The following LCORL variants were observed in gnomAD, a reference collection of about 807,000 sequenced individuals.
The protein encoded by LCORL is ligand-dependent nuclear receptor corepressor-like protein.
A neutral mutation model predicts 141.8 loss-of-function variants in LCORL; 41 were observed. The ratio of observed to expected loss-of-function variants is 0.29; its 90% CI spans 0.23 to 0.38. The LOEUF (loss-of-function observed/expected upper bound fraction) is 0.38, where lower values mean the gene tolerates loss of function less well. LCORL is among the 10% of genes least tolerant of loss of function. LCORL has a pLI of 1.00. For missense variants in LCORL, 1,759 were observed against 2,035.0 expected, an observed-to-expected ratio of 0.86 and a Z score of 2.61; for synonymous variants, 618 against 694.1, an observed-to-expected ratio of 0.89 and a Z score of 1.72.
chr4:17,912,647 G>C (rs1313524597), intron 4 of LCORL: 1 of 395,136 alleles, frequency 2.5e-6, no homozygotes, highest in African/African-American at 2.1e-5. Flanking sequence ...AAATCTGGAG[G>C]CCAGCTTGGA....
chr4:17,953,345 T>A (rs1711854698), intron 4 of LCORL, among the ~76,000 whole-genome samples: 1 of 152,210 alleles, frequency 6.6e-6, no homozygotes, highest in Non-Finnish European at 1.5e-5. Context: ...ATGCCTGAGC[T>A]AACTTACACT....
intron 7 of LCORL, among the ~76,000 whole-genome samples, chr4:17,870,185 T>C (rs1726173181): frequency 6.6e-6 from 1 of 152,106 alleles, no homozygotes; most frequent in Non-Finnish European, 1.5e-5. Context: ...ATACCTAGGT[T>C]GGAGCACAGT....
intron 1 of LCORL, among the ~76,000 whole-genome samples, chr4:17,979,292 G>C (rs757036396): frequency 7.9e-5 from 12 of 152,126 alleles, no homozygotes; most frequent in Non-Finnish European, 1.6e-4. Flanking sequence ...TCTTCTCAGG[G>C]ACCAGTTTTG....
At chr4:17,936,048 G>A (rs1206139725) in intron 4 of LCORL, among the ~76,000 whole-genome samples, 1 of 151,944 alleles carries the variant, frequency 6.6e-6, no homozygotes, top group Non-Finnish European at 1.5e-5. Context: ...CTATACCTTT[G>A]GAAATACACA....
At chr4:17,863,043 T>C (rs974344624) in intron 7 of LCORL, among the ~76,000 whole-genome samples, 7 of 152,164 alleles carry the variant, frequency 4.6e-5, no homozygotes, top group African/African-American at 1.4e-4. Context: ...GGGTCGGGCA[T>C]GGTGGCTCAC....
chr4:17,914,027 A>G (rs779278404), intron 4 of LCORL, among the ~76,000 whole-genome samples: 1 of 152,264 alleles, frequency 6.6e-6, no homozygotes, highest in Admixed American at 6.5e-5. Flanking sequence ...TAACTGGAAA[A>G]ATATAAAAGA....
intron 7 of LCORL, among the ~76,000 whole-genome samples, chr4:17,849,601 C>G (rs1314626753): frequency 1.3e-5 from 2 of 152,170 alleles, no homozygotes; most frequent in African/African-American, 2.4e-5. Context: ...ACTGGAAACT[C>G]TAAAAAGCAG....
chr4:17,998,435 A>T (rs1376622175), intron 1 of LCORL, among the ~76,000 whole-genome samples: 1 of 151,942 alleles, frequency 6.6e-6, no homozygotes, highest in Non-Finnish European at 1.5e-5. Context: ...TTCTATTTAA[A>T]CTTTTTTTTA....
intron 7 of LCORL, among the ~76,000 whole-genome samples, chr4:17,870,262 GGCT>G (rs1487272637): frequency 2.0e-5 from 3 of 152,082 alleles, no homozygotes; most frequent in African/African-American, 4.8e-5. Flanking sequence ...TACCACACTT[GGCT>G]AATTTTGTTT....
At chr4:17,914,726 T>C (rs749891735) in intron 4 of LCORL, among the ~76,000 whole-genome samples, 3 of 152,176 alleles carry the variant, frequency 2.0e-5, no homozygotes, top group Non-Finnish European at 4.4e-5. Flanking sequence ...GTAGTAAACA[T>C]TTGCCTAGAA....
intron 4 of LCORL, among the ~76,000 whole-genome samples, chr4:17,948,793 A>C (rs1389902669): frequency 2.0e-5 from 3 of 152,006 alleles, no homozygotes; most frequent in Non-Finnish European, 2.9e-5. Context: ...AAAAAGGGAG[A>C]AAATGGGAAA....
intron 4 of LCORL, among the ~76,000 whole-genome samples, chr4:17,924,155 CCTCT>C (rs759243426): frequency 9.2e-5 from 14 of 152,202 alleles, no homozygotes; most frequent in Non-Finnish European, 1.5e-4. Flanking sequence ...TGTGGCTGGA[CCTCT>C]CTGAGTGCTC....
chr4:17,965,270 A>C (rs1714642370), intron 2 of LCORL, among the ~76,000 whole-genome samples: 1 of 152,148 alleles, frequency 6.6e-6, no homozygotes, highest in South Asian at 2.1e-4. Context: ...AAACCAAACA[A>C]ATGATGTTTG....
chr4:17,975,090 C>G (rs898415737), intron 1 of LCORL, among the ~76,000 whole-genome samples: 1 of 151,682 alleles, frequency 6.6e-6, no homozygotes, highest in African/African-American at 2.4e-5. Flanking sequence ...CTGCCCTTTC[C>G]TCTTTATATC....
At chr4:17,873,545 A>G in exon 7 of LCORL, 2 of 1,234,008 alleles carry the variant, frequency 1.6e-6, no homozygotes, top group Non-Finnish European at 2.0e-6. Context: ...CAAAGTTAAC[A>G]CATTTGCTTA....
At chr4:17,912,618 T>G (rs535290736) in intron 4 of LCORL, 4 of 396,084 alleles carry the variant, frequency 1.0e-5, no homozygotes, top group Non-Finnish European at 2.0e-5. Context: ...TCCTTGGAGA[T>G]GGACCTGGAC....
intron 5 of LCORL, among the ~76,000 whole-genome samples, chr4:17,900,084 TTTTTTC>T (rs1288601660): frequency 6.6e-6 from 1 of 152,136 alleles, no homozygotes; most frequent in African/African-American, 2.4e-5. Context: ...CACTAATTTC[TTTTTTC>T]TTTTTCTTTT....
chr4:17,990,131 C>T (rs1451290020), intron 1 of LCORL, among the ~76,000 whole-genome samples: 2 of 144,052 alleles, frequency 1.4e-5, no homozygotes, highest in South Asian at 2.2e-4. Context: ...TGGAGTCTCG[C>T]TCTGTCACCC....
rs529058914 is a variant in LCORL, at chr4:17,875,598, A to T, written c.3392T>A (p.Val1131Glu). 6 of 1,231,150 alleles carry T rather than the reference A, an allele frequency of 4.9e-6. No individual in the cohort carries two copies. The East Asian group carries it at 1.9e-4, about 39-fold the overall frequency. 76.3% of individuals were successfully genotyped at this position (1,231,150 alleles called of 1,614,324 possible). ...ACTCTTTTTATAAATACCTTCTTTT[A>T]CTTCTGATATGAGACATTCTGGGCT... The change falls in exon 7 of 8, where the codon GTA (valine) becomes GAA (glutamate). Residue 1131 changes from valine (V) to glutamate (E), a missense_variant. Coordinates refer to ENST00000635767, the Ensembl canonical transcript of LCORL.
Sources: gnomAD v4.1 joint callset for allele counts (sites outside exome capture counted in the v4.1 genomes callset) on GRCh38, gnomAD v4.1.1 for gene constraint, MANE v1.5 for transcripts, NCBI Gene and HGNC (gene_info 2026-07-23, HGNC 2026-07-21) for gene names.